The following TRIM62 variants were observed in gnomAD, a reference collection of about 807,000 sequenced individuals.
TRIM62 encodes the protein E3 ubiquitin-protein ligase TRIM62.
A neutral mutation model predicts 44.2 loss-of-function variants in TRIM62; 39 were observed. The ratio of observed to expected loss-of-function variants is 0.88; its 90% confidence interval spans 0.68 to 1.15. TRIM62 has a LOEUF of 1.15. Among genes scored for constraint, TRIM62 ranks in the 50% most tolerant of loss-of-function variants. The pLI is 0.00. For missense variants in TRIM62, 544 were observed against 665.5 expected (o/e 0.82, Z 2.01); for synonymous variants, 278 against 292.3 (o/e 0.95, Z 0.50).
intron 4 of TRIM62, among the ~76,000 whole-genome samples, chr1:33,152,867 A>C (rs1407912559): frequency 6.6e-6 from 1 of 152,106 alleles, no homozygotes; most frequent in Non-Finnish European, 1.5e-5. Context: ...GCAGCCCAGG[A>C]TGGGGAGAAG....
rs199779398 is a variant in TRIM62, at chr1:33,177,051, G to A, written c.408+3974C>T. Among the ~76,000 whole-genome samples the A allele has an allele frequency of 1.6e-4, 2 of 12,852 alleles. No homozygotes were observed. The highest frequency in any genetic ancestry group is 5.1e-4 in the Admixed American group (1 of 1,960). 8.4% of individuals were successfully genotyped at this position (12,852 alleles called of 152,430 possible). A position where few individuals can be genotyped will look rare whatever the true frequency, so the allele number is the denominator to read the frequency against. On this transcript the variant is annotated intron_variant, in intron 1 of 4. Coordinates refer to ENST00000291416, the MANE Select transcript of TRIM62 (RefSeq NM_018207.3). This position sits in a 1 kb window ranked among gnomAD's most constrained non-coding sequence, Gnocchi z 4.1. ...CACACATACACATGCACACACACAC[G>A]CACACACACACACATGCACACACAC...
At chr1:33,154,179 G>A (rs933079279) in intron 4 of TRIM62, among the ~76,000 whole-genome samples, 1 of 152,220 alleles carries the variant, frequency 6.6e-6, no homozygotes, top group Admixed American at 6.5e-5. Context: ...TCTAAAGATG[G>A]GCCGGGTGTG....
At position 33,167,423 on chromosome 1, in the gene TRIM62, G is replaced by A. The variant is rs78457495; in HGVS notation, c.409-1857C>T. On this transcript the variant is annotated intron_variant, in intron 1 of 4. Transcript: ENST00000291416. The surrounding 1 kb of genome is among the most constrained non-coding windows in gnomAD (Gnocchi z 4.2). Reference sequence around the variant, plus strand: ...GGGTTGTGGAGGTGAGTGCTCCCTAGCACAGGGTCCAGCTGTCTGCAGGCA... The same window carrying A: ...GGGTTGTGGAGGTGAGTGCTCCCTAACACAGGGTCCAGCTGTCTGCAGGCA... 6.6e-6 allele frequency among the ~76,000 whole-genome samples: 1 copy of A among 152,274 alleles called. No individual in the cohort carries two copies. The highest frequency in any genetic ancestry group is 1.5e-5 in the Non-Finnish European group (1 of 68,026).
chr1:33,160,031 C>T, intron 2 of TRIM62, 87 bp from the exon 3 acceptor site: 3 of 1,535,862 alleles, frequency 2.0e-6, no homozygotes, highest in Non-Finnish European at 2.6e-6. Flanking sequence ...AGCCTTGACA[C>T]ACAGAGAGGA....
At position 33,159,540 on chromosome 1, in the gene TRIM62, A is replaced by G. The variant is rs1003613506; in HGVS notation, c.761+148T>C. 3.3e-6 allele frequency: 4 copies of G among 1,197,646 alleles called. 1 individual carries two copies. The highest frequency in any genetic ancestry group is 2.3e-6 in the Non-Finnish European group (2 of 880,472). The allele number at this position is 1,197,646 out of a possible 1,614,324, so 74.2% of individuals were successfully genotyped here. A position where few individuals can be genotyped will look rare whatever the true frequency, so the allele number is the denominator to read the frequency against. On this transcript the variant is annotated intron_variant, in intron 3 of 4. Transcript: ENST00000291416. This position sits in a 1 kb window ranked among gnomAD's most constrained non-coding sequence, Gnocchi z 4.2. ...TTCATACTCAAGGCTTCATGCTCCT[A>G]CCCATAGCAGATGTCCCGTAAATGT...
chr1:33,175,031 T>TGTA (rs1161088243), intron 1 of TRIM62, among the ~76,000 whole-genome samples: 1 of 147,102 alleles, frequency 6.8e-6, no homozygotes. Context: ...ATGTATATGT[T>TGTA]TATGTATATG....
At chr1:33,152,146 G>C (rs1645108452) in intron 4 of TRIM62, among the ~76,000 whole-genome samples, 1 of 152,258 alleles carries the variant, frequency 6.6e-6, no homozygotes, top group African/African-American at 2.4e-5. Flanking sequence ...GAGGCTCCAA[G>C]GAGACAACTC....
intron 2 of TRIM62, among the ~76,000 whole-genome samples, chr1:33,162,196 CATA>C (rs1371955144): frequency 6.6e-6 from 1 of 152,172 alleles, no homozygotes; most frequent in Non-Finnish European, 1.5e-5. Context: ...CTCCTTGACA[CATA>C]GTAAAATGCT....
intron 1 of TRIM62, among the ~76,000 whole-genome samples, chr1:33,178,846 A>G (rs535956062): frequency 2.6e-5 from 4 of 152,302 alleles, no homozygotes; most frequent in South Asian, 4.1e-4. Context: ...TACATGTTCA[A>G]TTTCTCCTGT....
rs1645427623 is a variant in TRIM62 at position 33,177,092 on chromosome 1, T to C, written c.408+3933A>G. 6.7e-6 allele frequency among the ~76,000 whole-genome samples: 1 copy of C among 148,872 alleles called. No individual in the cohort carries two copies. Among genetic ancestry groups the C allele is most frequent in the African/African-American group, 2.5e-5 (1 of 40,348 alleles). On this transcript the variant is annotated intron_variant, in intron 1 of 4. Transcript: ENST00000291416. The surrounding 1 kb of genome is among the most constrained non-coding windows in gnomAD (Gnocchi z 4.1). ...GCACACACACACATGCATGCACAAA[T>C]GCACACACATGCACACACACATGCA...
Position 33,150,454 on chromosome 1 carries a change from C to T in TRIM62, c.878-2727G>A, listed in dbSNP as rs557931700. On this transcript the variant is annotated intron_variant, in intron 4 of 4. Coordinates refer to ENST00000291416, the MANE Select transcript of TRIM62 (RefSeq NM_018207.3). Reference sequence around the variant, plus strand: ...ACCTATATCAAGTTCCTTCCATGATCTTTGCCAGGAGTAAGTTTAGTTTTG... The same window carrying T: ...ACCTATATCAAGTTCCTTCCATGATTTTTGCCAGGAGTAAGTTTAGTTTTG... 2.0e-5 allele frequency among the ~76,000 whole-genome samples: 3 copies of T among 152,354 alleles called. No homozygotes were observed. In the South Asian group the frequency reaches 6.2e-4, roughly 32 times the overall value.
intron 1 of TRIM62, among the ~76,000 whole-genome samples, chr1:33,178,647 T>C (rs1309140347): frequency 6.6e-6 from 1 of 152,232 alleles, no homozygotes; most frequent in Non-Finnish European, 1.5e-5. Context: ...GGAAGCATCC[T>C]GACCCCATTG....
rs1645027404 is a variant in TRIM62 at position 33,146,891 on chromosome 1, T to C, written c.*286A>G. ...AGGTAGTCCCCTGCCCCTGAGAAGA[T>C]GGGGATGAGGGTTGGGCAGGGGTTG... On this transcript the variant is annotated 3_prime_UTR_variant, in exon 5 of 5. Coordinates refer to ENST00000291416, the MANE Select transcript of TRIM62 (RefSeq NM_018207.3). The C allele has an allele frequency of 1.2e-5, 5 of 433,850 alleles. No homozygotes were observed. In the Admixed American group the frequency reaches 1.9e-4, roughly 17 times the overall value. The allele number at this position is 433,850 out of a possible 1,614,324, so 26.9% of individuals were successfully genotyped here. A position where few individuals can be genotyped will look rare whatever the true frequency, so the allele number is the denominator to read the frequency against.
intron 2 of TRIM62, 147 bp from the exon 3 acceptor site, chr1:33,160,091 A>C (rs951053552): frequency 3.8e-6 from 4 of 1,043,394 alleles, no homozygotes; most frequent in African/African-American, 3.2e-5. Flanking sequence ...ATGCAAAAGC[A>C]TGGTGGTAGG....
chr1:33,176,565 G>C, intron 1 of TRIM62: 1 of 597,530 alleles, frequency 1.7e-6, no homozygotes, highest in East Asian at 2.8e-5. Context: ...CAGAGAGCCG[G>C]ATGCCACGTC....
Position 33,147,859 on chromosome 1 carries a change from A to G in TRIM62, c.878-132T>C. 1.0e-6 allele frequency: 1 copy of G among 998,238 alleles called. No homozygotes were observed. Among genetic ancestry groups the G allele is most frequent in the Non-Finnish European group, 1.4e-6 (1 of 691,658 alleles). The allele number at this position is 998,238 out of a possible 1,614,324, so 61.8% of individuals were successfully genotyped here. On this transcript the variant is annotated intron_variant, in intron 4 of 4. Coordinates refer to ENST00000291416, the MANE Select transcript of TRIM62 (RefSeq NM_018207.3). This position sits in a 1 kb window ranked among gnomAD's most constrained non-coding sequence, Gnocchi z 8.1. ...TGACCTGCTGTGTGACCTTGAATACAAGTCTGCCCTCTCTGGGCCTCATCT... is the reference window on the plus strand; with the variant it reads ...TGACCTGCTGTGTGACCTTGAATACGAGTCTGCCCTCTCTGGGCCTCATCT...
chr1:33,180,621 G>T (rs1645452684), intron 1 of TRIM62, among the ~76,000 whole-genome samples: 1 of 151,988 alleles, frequency 6.6e-6, no homozygotes, highest in Admixed American at 6.5e-5. Flanking sequence ...TCGCGACCTC[G>T]CCCTCAGTCT....
In TRIM62 at chr1:33,181,301, C is replaced by A. The variant is rs753532083; in HGVS notation, c.132G>T (p.Ala44=). The A allele has an allele frequency of 8.4e-6, 13 of 1,554,614 alleles. No homozygotes were observed. The highest frequency in any genetic ancestry group is 7.8e-5 in the Admixed American group (4 of 51,216). ...CITEHWVRQE[A]QGARDCPECR... Reference sequence around the variant, plus strand: ...ACTCGGGGCAGTCGCGGGCGCCCTGCGCCTCCTGCCGCACCCAGTGCTCCG... The same window carrying A: ...ACTCGGGGCAGTCGCGGGCGCCCTGAGCCTCCTGCCGCACCCAGTGCTCCG... Residue 44 remains alanine, a synonymous_variant, in exon 1 of 5, where the codon GCG becomes GCT. Transcript: ENST00000291416. The surrounding 1 kb of genome is among the most constrained non-coding windows in gnomAD (Gnocchi z 6.5).
At chr1:33,171,014 G>A (rs571199889) in intron 1 of TRIM62, among the ~76,000 whole-genome samples, 1 of 152,284 alleles carries the variant, frequency 6.6e-6, no homozygotes, top group South Asian at 2.1e-4. Flanking sequence ...CTGTGTCCAG[G>A]TGGCCCCTCC....
Sources: allele counts gnomAD v4.1 joint callset (sites outside exome capture counted in the v4.1 genomes callset), GRCh38; gene constraint gnomAD v4.1.1; non-coding constraint Gnocchi (gnomAD v3.1); transcripts MANE v1.5; gene names NCBI Gene and HGNC (gene_info 2026-07-23, HGNC 2026-07-21).